The following TTC29 variants were observed in gnomAD, a reference collection of about 807,000 sequenced individuals.
TTC29 encodes tetratricopeptide repeat protein 29.
TTC29 carries 49 observed loss-of-function variants against 58.1 expected under a neutral mutation model. That is an observed-to-expected ratio of 0.84 (90% CI 0.67 to 1.07). TTC29 has a LOEUF of 1.07. Ranked by LOEUF, TTC29 falls within the 50% of genes least tolerant of loss-of-function variation. The pLI is 0.00. For missense variants in TTC29, 582 were observed against 555.6 expected, an observed-to-expected ratio of 1.05 and a Z score of -0.48; for synonymous variants, 209 against 196.8, an observed-to-expected ratio of 1.06 and a Z score of -0.52.
At chr4:146,788,080 G>T (rs566331296) in intron 11 of TTC29, among the ~76,000 whole-genome samples, 3 of 152,266 alleles carry the variant, frequency 2.0e-5, no homozygotes, top group East Asian at 1.9e-4. Flanking sequence ...CCACCTGAGA[G>T]ACCTGAGGAT....
chr4:146,729,561 A>G (rs185540136), intron 11 of TTC29, among the ~76,000 whole-genome samples: 184 of 152,228 alleles, frequency 1.2e-3, no homozygotes, highest in African/African-American at 4.2e-3. Flanking sequence ...CAGATGTCTA[A>G]TGGGTTCAAA....
intron 10 of TTC29, among the ~76,000 whole-genome samples, chr4:146,816,036 A>G (rs534567134): frequency 6.6e-6 from 1 of 152,288 alleles, no homozygotes; most frequent in Non-Finnish European, 1.5e-5. Context: ...TGTGTATTTA[A>G]TTCTCCGATT....
chr4:146,762,278 G>C (rs1430221728), intron 11 of TTC29, among the ~76,000 whole-genome samples: 1 of 151,726 alleles, frequency 6.6e-6, no homozygotes, highest in Non-Finnish European at 1.5e-5. Context: ...TTTAATGGTG[G>C]TACAACGTCT....
At chr4:146,725,153 T>C (rs1743674430) in intron 11 of TTC29, among the ~76,000 whole-genome samples, 1 of 152,180 alleles carries the variant, frequency 6.6e-6, no homozygotes, top group African/African-American at 2.4e-5. Context: ...AAACCAAACA[T>C]ATTTTTCCTG....
At chr4:146,937,705 G>A (rs1236440030) in intron 3 of TTC29, 28 bp from the exon 4 acceptor site, 2 of 1,326,894 alleles carry the variant, frequency 1.5e-6, no homozygotes, top group Non-Finnish European at 2.1e-6. Context: ...AAATAATAAA[G>A]CACAGCCTTA....
chr4:146,726,970 C>A (rs1743831404), intron 11 of TTC29, among the ~76,000 whole-genome samples: 1 of 151,938 alleles, frequency 6.6e-6, no homozygotes, highest in African/African-American at 2.4e-5. Context: ...TGTTTGAAAT[C>A]CTTGATCCCA....
chr4:146,743,434 G>A (rs2150037770), intron 11 of TTC29, among the ~76,000 whole-genome samples: 1 of 152,292 alleles, frequency 6.6e-6, no homozygotes, highest in South Asian at 2.1e-4. Flanking sequence ...GCAATGTCAG[G>A]TTGAATTAGA....
chr4:146,722,306 AT>A (rs1167035632), intron 11 of TTC29, among the ~76,000 whole-genome samples: 1 of 152,188 alleles, frequency 6.6e-6, no homozygotes, highest in Non-Finnish European at 1.5e-5. Context: ...TCACAAACGG[AT>A]AAAAAACAAT....
At chr4:146,808,635 A>T (rs1279190906) in intron 10 of TTC29, among the ~76,000 whole-genome samples, 1 of 152,218 alleles carries the variant, frequency 6.6e-6, no homozygotes, top group Non-Finnish European at 1.5e-5. Context: ...TCCCATTCAC[A>T]ATTGCTACAA....
At chr4:146,863,552 G>A (rs149815119) in intron 8 of TTC29, among the ~76,000 whole-genome samples, 42 of 152,280 alleles carry the variant, frequency 2.8e-4, no homozygotes, top group Non-Finnish European at 4.9e-4. Context: ...TAGGCCTGAT[G>A]GAACAAACTG....
Position 146,844,770 on chromosome 4 carries a change from T to C in TTC29, c.886-10873A>G, listed in dbSNP as rs185780701. 3.0e-3 allele frequency among the ~76,000 whole-genome samples: 460 copies of C among 152,292 alleles called. 3 individuals are homozygous for C. The highest frequency in any genetic ancestry group is 0.011 in the African/African-American group (439 of 41,570). ...CCTTGAAGAATGAGTAGCCAATTCA[T>C]TGGCAGTCCAGCAATCTCTGAGGCA... On this transcript the variant is annotated intron_variant, in intron 8 of 12. Transcript: ENST00000325106.
chr4:146,819,686 A>T (rs902983775), intron 10 of TTC29, among the ~76,000 whole-genome samples: 1 of 152,130 alleles, frequency 6.6e-6, no homozygotes, highest in East Asian at 1.9e-4. Flanking sequence ...TATTTTTAGG[A>T]TTGTCGTTTC....
chr4:146,886,566 A>G (rs1039774523), intron 6 of TTC29, among the ~76,000 whole-genome samples: 2 of 152,190 alleles, frequency 1.3e-5, no homozygotes, highest in African/African-American at 2.4e-5. Flanking sequence ...GGTAGGGCTG[A>G]GGAGAGAAGG....
At chr4:146,815,752 A>G (rs1751356146) in intron 10 of TTC29, among the ~76,000 whole-genome samples, 1 of 152,222 alleles carries the variant, frequency 6.6e-6, no homozygotes, top group Non-Finnish European at 1.5e-5. Context: ...ATCTAAGTGA[A>G]GACATCAAGT....
At chr4:146,915,692 C>T (rs1437572698) in intron 4 of TTC29, among the ~76,000 whole-genome samples, 1 of 151,880 alleles carries the variant, frequency 6.6e-6, no homozygotes, top group Non-Finnish European at 1.5e-5. Context: ...CTAAGTAGGT[C>T]TTTGTATAAG....
intron 8 of TTC29, among the ~76,000 whole-genome samples, chr4:146,857,694 C>A (rs1380190877): frequency 2.0e-5 from 3 of 152,036 alleles, no homozygotes; most frequent in Non-Finnish European, 4.4e-5. Flanking sequence ...GACCATTAAA[C>A]CAAGGATGGA....
At chr4:146,805,665 A>G (rs1750554186) in intron 10 of TTC29, among the ~76,000 whole-genome samples, 1 of 152,042 alleles carries the variant, frequency 6.6e-6, no homozygotes, top group South Asian at 2.1e-4. Flanking sequence ...TAATGAAATA[A>G]AGTGTGAAGA....
intron 6 of TTC29, among the ~76,000 whole-genome samples, chr4:146,888,784 A>G (rs1732161339): frequency 6.6e-6 from 1 of 152,062 alleles, no homozygotes; most frequent in African/African-American, 2.4e-5. Flanking sequence ...TTCTTTTTTT[A>G]TGACTGATCT....
chr4:146,899,230 C>T (rs1732974729), intron 6 of TTC29, among the ~76,000 whole-genome samples: 1 of 152,128 alleles, frequency 6.6e-6, no homozygotes, highest in South Asian at 2.1e-4. Flanking sequence ...GCTATTGTTC[C>T]CTGGCCTCAG....
Sources: gnomAD v4.1 joint callset for allele counts (sites outside exome capture counted in the v4.1 genomes callset) on GRCh38, gnomAD v4.1.1 for gene constraint, MANE v1.5 for transcripts, NCBI Gene and HGNC (gene_info 2026-07-23, HGNC 2026-07-21) for gene names.